ZNF10: variants seen among roughly 807,000 people sequenced by gnomAD.
The protein encoded by ZNF10 is zinc finger protein 10 (KOX 1).
Under a neutral mutation model 12.2 loss-of-function variants are expected in ZNF10, and 8 were observed. That is an observed-to-expected ratio of 0.66 (90% CI 0.39 to 1.18). The LOEUF (loss-of-function observed/expected upper bound fraction) is 1.18, where lower values mean the gene tolerates loss of function less well. Among genes scored for constraint, ZNF10 ranks in the 50% most tolerant of loss-of-function variants. The probability of loss-of-function intolerance (pLI) is 0.01; values close to 1 mark genes in which losing one functional copy is unlikely to be tolerated. For synonymous variants in ZNF10, 229 were observed against 228.2 expected (o/e 1.00, Z -0.03); for missense variants, 603 against 678.9 (o/e 0.89, Z 1.24).
chr12:133,144,351 C>A, intron 1 of ZNF10, 83 bp from the exon 2 acceptor site: 1 of 701,836 alleles, frequency 1.4e-6, no homozygotes. Flanking sequence ...TCATACCCAG[C>A]TGGTATGAAG....
chr12:133,155,028 A>G (rs1213501891), intron 4 of ZNF10, among the ~76,000 whole-genome samples: 2 of 151,998 alleles, frequency 1.3e-5, no homozygotes, highest in Admixed American at 1.3e-4. Flanking sequence ...CATTGAGCCA[A>G]GATTGTGTCA....
intron 1 of ZNF10, among the ~76,000 whole-genome samples, chr12:133,134,069 T>C (rs1381412354): frequency 1.2e-4 from 17 of 144,048 alleles, no homozygotes; most frequent in Non-Finnish European, 1.2e-4. Context: ...GAGGCCAAGG[T>C]GGGGAGATCA....
At chr12:133,145,189 C>T (rs1296564007) in intron 2 of ZNF10, among the ~76,000 whole-genome samples, 4 of 152,178 alleles carry the variant, frequency 2.6e-5, no homozygotes, top group Admixed American at 6.5e-5. Context: ...ACCAGTTATT[C>T]GTTTACAATT....
intron 1 of ZNF10, among the ~76,000 whole-genome samples, chr12:133,133,048 T>C (rs1593836792): frequency 6.6e-6 from 1 of 152,222 alleles, no homozygotes; most frequent in East Asian, 1.9e-4. Flanking sequence ...TAATTAGAAT[T>C]CTATATTTGT....
intron 2 of ZNF10, among the ~76,000 whole-genome samples, chr12:133,147,063 TGTTGTTGCATGA>T (rs1324420901): frequency 6.6e-6 from 1 of 152,212 alleles, no homozygotes; most frequent in Non-Finnish European, 1.5e-5. Context: ...GAGGTTCATC[TGTTGTTGCATGA>T]GTCAGTAGGA....
intron 1 of ZNF10, among the ~76,000 whole-genome samples, chr12:133,137,450 ATTC>A (rs1488194526): frequency 1.3e-5 from 2 of 152,134 alleles, no homozygotes; most frequent in African/African-American, 4.8e-5. Context: ...AAGTATTGAA[ATTC>A]TTCCCCTTAC....
At chr12:133,132,803 C>CA (rs1446638367) in intron 1 of ZNF10, among the ~76,000 whole-genome samples, 2 of 152,122 alleles carry the variant, frequency 1.3e-5, no homozygotes, top group Non-Finnish European at 2.9e-5. Flanking sequence ...ATTTCCTGTT[C>CA]AAAATTTTAT....
intron 2 of ZNF10, among the ~76,000 whole-genome samples, chr12:133,149,305 G>T (rs1955994466): frequency 2.0e-5 from 3 of 149,876 alleles, no homozygotes; most frequent in Admixed American, 2.0e-4. Flanking sequence ...TGTTGTCCAG[G>T]CTGGTCTGAA....
rs1956057493 is a variant in ZNF10 at position 133,158,918 on chromosome 12, C to A, written c.*1950C>A. On this transcript the variant is annotated 3_prime_UTR_variant, in exon 5 of 5. Coordinates refer to ENST00000248211, the MANE Select transcript of ZNF10 (RefSeq NM_015394.5). ...GAACTAGGTCCTGGGTTTCATGTTT[C>A]CTGCTGCTCTTCTCACTGTGTACAC... 6.6e-6 allele frequency: 1 copy of A among 152,248 alleles called. No individual in the cohort carries two copies. Among genetic ancestry groups the A allele is most frequent in the Non-Finnish European group, 1.5e-5 (1 of 68,068 alleles). 9.4% of individuals were successfully genotyped at this position (152,248 alleles called of 1,614,324 possible). A position where few individuals can be genotyped will look rare whatever the true frequency, so the allele number is the denominator to read the frequency against.
Position 133,159,320 on chromosome 12 carries a change from GA to G in ZNF10, c.*2353del, listed in dbSNP as rs1956059573. The stretch of plus-strand genomic sequence containing the variant: ...TTTGTGGCATATCCGTGTAATGGAA[GA>G]TTATGCAGGCATTAAAATATGTACA... On this transcript the variant is annotated 3_prime_UTR_variant, in exon 5 of 5. Transcript: ENST00000248211. The G allele has an allele frequency of 6.6e-6, 1 of 152,206 alleles. No homozygotes were observed. Among genetic ancestry groups the G allele is most frequent in the South Asian group, 2.1e-4 (1 of 4,828 alleles). The allele number at this position is 152,206 out of a possible 1,614,324, so 9.4% of individuals were successfully genotyped here.
At chr12:133,147,473 T>C (rs1470290645) in intron 2 of ZNF10, among the ~76,000 whole-genome samples, 2 of 152,212 alleles carry the variant, frequency 1.3e-5, no homozygotes, top group East Asian at 3.8e-4. Context: ...CTCACTGTCA[T>C]TTTAACTTTC....
intron 1 of ZNF10, among the ~76,000 whole-genome samples, chr12:133,132,256 A>G (rs1412854582): frequency 6.8e-6 from 1 of 146,310 alleles, no homozygotes; most frequent in African/African-American, 2.6e-5. Flanking sequence ...TCAATTGTCA[A>G]GAAAATCTGA....
chr12:133,144,893 T>A (rs902616804), intron 2 of ZNF10: 1 of 455,042 alleles, frequency 2.2e-6, no homozygotes, highest in Non-Finnish European at 4.4e-6. Flanking sequence ...TCTTTTTTTG[T>A]TGTTGTTTAG....
chr12:133,148,829 T>C (rs1482254999), intron 2 of ZNF10, among the ~76,000 whole-genome samples: 2 of 147,882 alleles, frequency 1.4e-5, no homozygotes, highest in African/African-American at 2.5e-5. Flanking sequence ...CTTGGCTCAC[T>C]GCAACCTCTG....
chr12:133,143,465 A>G (rs1955958058), intron 1 of ZNF10: 1 of 152,206 alleles, frequency 6.6e-6, no homozygotes, highest in Admixed American at 6.5e-5. Context: ...CAAAAAAGAC[A>G]TTGTTAGCTA....
At chr12:133,148,982 C>T (rs2135462750) in intron 2 of ZNF10, among the ~76,000 whole-genome samples, 1 of 152,048 alleles carries the variant, frequency 6.6e-6, no homozygotes, top group East Asian at 1.9e-4. Context: ...GAACCCCCGA[C>T]CTCAGGTGAT....
At position 133,156,299 on chromosome 12, in the gene ZNF10, T is replaced by C. The variant is rs201072753; in HGVS notation, c.1053T>C (p.Cys351=). ...ATACAGGAGACAAACTGTACACATGTAATCAGTGTGGGAAATCTTTTGTTC... is the reference window on the plus strand; with the variant it reads ...ATACAGGAGACAAACTGTACACATGCAATCAGTGTGGGAAATCTTTTGTTC... ...RTHTGDKLYT[C]NQCGKSFVHS... The change falls in exon 5 of 5, where the codon TGT becomes TGC. Residue 351 remains cysteine, a synonymous_variant. Transcript: ENST00000248211. 1.2e-6 allele frequency: 2 copies of C among 1,614,182 alleles called. No individual in the cohort carries two copies. Among genetic ancestry groups the C allele is most frequent in the African/African-American group, 1.3e-5 (1 of 75,060 alleles).
Position 133,157,032 on chromosome 12 carries a change from A to G in ZNF10, c.*64A>G, listed in dbSNP as rs1956047207. 9 of 1,318,092 alleles carry G rather than the reference A, an allele frequency of 6.8e-6. No individual in the cohort carries two copies. The highest frequency in any genetic ancestry group is 7.9e-6 in the Non-Finnish European group (8 of 1,012,796). The allele number at this position is 1,318,092 out of a possible 1,614,324, so 81.6% of individuals were successfully genotyped here. On this transcript the variant is annotated 3_prime_UTR_variant, in exon 5 of 5. Transcript: ENST00000248211. ...TTTGCATTGGAGAACTCCTGGAGAT[A>G]AGCTGTACAAATTGAATCTATGTGG...
chr12:133,133,618 G>A (rs1955893330), intron 1 of ZNF10, among the ~76,000 whole-genome samples: 1 of 152,198 alleles, frequency 6.6e-6, no homozygotes, highest in African/African-American at 2.4e-5. Flanking sequence ...TAGTGGGAAG[G>A]CGTCACAGCA....
Sources: allele counts gnomAD v4.1 joint callset (sites outside exome capture counted in the v4.1 genomes callset), GRCh38; gene constraint gnomAD v4.1.1; transcripts MANE v1.5; gene names NCBI Gene and HGNC (gene_info 2026-07-23, HGNC 2026-07-21).